Variants in AGMO observed in about 807,000 individuals in gnomAD.
The protein encoded by AGMO is glyceryl-ether monooxygenase.
Under a neutral mutation model 60.2 loss-of-function variants are expected in AGMO, and 75 were observed. That is an observed-to-expected ratio of 1.25 (90% CI 1.03 to 1.51). The LOEUF is 1.51. Among genes scored for constraint, AGMO ranks in the 40% most tolerant of loss-of-function variants. The pLI is 0.00. For synonymous variants in AGMO, 261 were observed against 177.1 expected, an observed-to-expected ratio of 1.47 and a Z score of -3.76; for missense variants, 763 against 525.5, an observed-to-expected ratio of 1.45 and a Z score of -4.42.
chr7:15,511,913 T>C (rs1783683381), intron 3 of AGMO, among the ~76,000 whole-genome samples: 1 of 151,628 alleles, frequency 6.6e-6, no homozygotes, highest in South Asian at 2.1e-4. Context: ...GAGAGAAGCC[T>C]CTTAAGGAAA....
At chr7:15,396,998 T>C (rs1784415712) in intron 5 of AGMO, among the ~76,000 whole-genome samples, 1 of 152,168 alleles carries the variant, frequency 6.6e-6, no homozygotes, top group East Asian at 1.9e-4. Flanking sequence ...CATAGAGTGC[T>C]GATTGGTGCG....
chr7:15,359,216 G>C (rs1316514724), intron 12 of AGMO, among the ~76,000 whole-genome samples: 3 of 149,956 alleles, frequency 2.0e-5, no homozygotes, highest in African/African-American at 7.4e-5. Context: ...ATGAACCCAG[G>C]AGGTGGAGCT....
At chr7:15,371,168 G>A (rs191794366) in intron 10 of AGMO, among the ~76,000 whole-genome samples, 4 of 152,018 alleles carry the variant, frequency 2.6e-5, no homozygotes, top group African/African-American at 9.7e-5. Flanking sequence ...AACCCTAGAA[G>A]AAAACATTAA....
intron 12 of AGMO, among the ~76,000 whole-genome samples, chr7:15,331,073 G>A (rs1389717332): frequency 6.6e-6 from 1 of 151,950 alleles, no homozygotes; most frequent in Non-Finnish European, 1.5e-5. Context: ...AGAACCTTTG[G>A]GCAATCAAGC....
the AGMO span, among the ~76,000 whole-genome samples, chr7:15,134,679 C>G: frequency 1.3e-5 from 2 of 152,112 alleles, no homozygotes; most frequent in Non-Finnish European, 1.5e-5. Flanking sequence ...ATATGTACCA[C>G]ATTTTCTTTA....
At chr7:15,256,411 C>T (rs532326852) in intron 12 of AGMO, among the ~76,000 whole-genome samples, 6 of 152,124 alleles carry the variant, frequency 3.9e-5, no homozygotes, top group African/African-American at 1.4e-4. Flanking sequence ...GGCGCAATCT[C>T]GGCTCACTGC....
chr7:15,270,769 T>C (rs1486153576), intron 12 of AGMO, among the ~76,000 whole-genome samples: 1 of 151,606 alleles, frequency 6.6e-6, no homozygotes, highest in Non-Finnish European at 1.5e-5. Context: ...CTAAGTTTTC[T>C]TCTAGGATTT....
chr7:15,154,095 G>A, the AGMO span, among the ~76,000 whole-genome samples: 6 of 152,072 alleles, frequency 3.9e-5, no homozygotes, highest in Non-Finnish European at 5.9e-5. Context: ...AACTGTTACT[G>A]TTTGCTGATG....
At chr7:15,242,833 C>A (rs972478591) in intron 12 of AGMO, among the ~76,000 whole-genome samples, 1 of 151,716 alleles carries the variant, frequency 6.6e-6, no homozygotes, top group African/African-American at 2.4e-5. Flanking sequence ...TATTTTAAAA[C>A]AATAAAATGA....
chr7:15,427,985 C>T (rs1364180051), intron 4 of AGMO, among the ~76,000 whole-genome samples: 8 of 127,964 alleles, frequency 6.3e-5, no homozygotes, highest in Non-Finnish European at 1.2e-4. Context: ...AAGAAATATA[C>T]TTAATTTCAC....
chr7:15,539,632 T>A (rs1562562208), intron 3 of AGMO, among the ~76,000 whole-genome samples: 1 of 152,324 alleles, frequency 6.6e-6, no homozygotes, highest in East Asian at 1.9e-4. Flanking sequence ...AATGGAACAA[T>A]TTATATTCCT....
chr7:15,243,969 G>A (rs566248542), intron 12 of AGMO, among the ~76,000 whole-genome samples: 1 of 152,140 alleles, frequency 6.6e-6, no homozygotes, highest in South Asian at 2.1e-4. Flanking sequence ...CCATACTTTA[G>A]GTCATAAATC....
At chr7:15,357,750 C>T (rs1186183499) in intron 12 of AGMO, among the ~76,000 whole-genome samples, 1 of 152,178 alleles carries the variant, frequency 6.6e-6, no homozygotes, top group Admixed American at 6.5e-5. Flanking sequence ...AGTCTTTCCA[C>T]ATTCGCTTTT....
intron 12 of AGMO, among the ~76,000 whole-genome samples, chr7:15,260,334 A>C (rs528674145): frequency 2.0e-4 from 30 of 152,274 alleles, no homozygotes; most frequent in Middle Eastern, 3.4e-3. Context: ...TATTCCATGC[A>C]AATGAACACC....
chr7:15,560,337 A>G (rs527667424), intron 1 of AGMO, 66 bp from the exon 2 acceptor site: 1 of 1,538,394 alleles, frequency 6.5e-7, no homozygotes, highest in Admixed American at 1.8e-5. Flanking sequence ...ACATTTCCTG[A>G]TTAGTCATTT....
intron 3 of AGMO, among the ~76,000 whole-genome samples, chr7:15,462,255 T>G (rs1782162397): frequency 6.6e-6 from 1 of 152,164 alleles, no homozygotes; most frequent in Non-Finnish European, 1.5e-5. Context: ...GAACTGTCAG[T>G]TGAGAGTGAT....
At chr7:15,526,907 C>T (rs1784143177) in intron 3 of AGMO, among the ~76,000 whole-genome samples, 1 of 152,060 alleles carries the variant, frequency 6.6e-6, no homozygotes, top group Non-Finnish European at 1.5e-5. Flanking sequence ...TGACCTATGA[C>T]CAGTTACTAT....
chr7:15,533,535 G>C (rs542384069), intron 3 of AGMO, among the ~76,000 whole-genome samples: 1 of 151,936 alleles, frequency 6.6e-6, no homozygotes, highest in Admixed American at 6.6e-5. Flanking sequence ...TACATTCTTT[G>C]TTTTCTCTTC....
the AGMO span, among the ~76,000 whole-genome samples, chr7:15,193,692 T>C: frequency 6.6e-6 from 1 of 152,158 alleles, no homozygotes; most frequent in Non-Finnish European, 1.5e-5. Context: ...TTACTGATAT[T>C]TGTCTAAAGA....
Sources: allele counts gnomAD v4.1 joint callset (sites outside exome capture counted in the v4.1 genomes callset), GRCh38; gene constraint gnomAD v4.1.1; transcripts MANE v1.5; gene names NCBI Gene and HGNC (gene_info 2026-07-23, HGNC 2026-07-21).